The following EBF2 variants were observed in gnomAD, a reference collection of about 807,000 sequenced individuals.
The protein encoded by EBF2 is EBF transcription factor 2, also known as transcription factor COE2.
Under a neutral mutation model 72.8 loss-of-function variants are expected in EBF2, and 21 were observed. The ratio of observed to expected loss-of-function variants is 0.29; its 90% CI spans 0.20 to 0.42. EBF2 has a LOEUF of 0.42. EBF2 is among the 10% of genes least tolerant of loss of function. EBF2 has a pLI of 1.00. For missense variants in EBF2, 637 were observed against 731.2 expected, an observed-to-expected ratio of 0.87 and a Z score of 1.49; for synonymous variants, 299 against 274.2, an observed-to-expected ratio of 1.09 and a Z score of -0.89.
In EBF2 at chr8:26,004,740, A is replaced by G. The variant is rs140006807; in HGVS notation, c.551+28345T>C. ...AGTGGTCCCTTTCATAATGCTGTCTATAAAAACAATTCCGTGACCAAAATT... is the reference window on the plus strand; with the variant it reads ...AGTGGTCCCTTTCATAATGCTGTCTGTAAAAACAATTCCGTGACCAAAATT... On this transcript the variant is annotated intron_variant, in intron 6 of 15. Transcript: ENST00000520164. Among the ~76,000 whole-genome samples, 485 of 151,302 alleles carry G rather than the reference A, an allele frequency of 3.2e-3. 2 individuals carry two copies. The highest frequency in any genetic ancestry group is 3.2e-3 in the Non-Finnish European group (215 of 67,864).
chr8:25,966,636 A>C (rs1804120034), intron 6 of EBF2, among the ~76,000 whole-genome samples: 1 of 152,204 alleles, frequency 6.6e-6, no homozygotes, highest in Non-Finnish European at 1.5e-5. Context: ...TCAAAATCCT[A>C]ATGAGACAAT....
rs570158012 is a variant in EBF2 at position 25,912,900 on chromosome 8, C to T, written c.552-4345G>A. 3.9e-5 allele frequency among the ~76,000 whole-genome samples: 6 copies of T among 152,230 alleles called. No homozygotes were observed. In the South Asian group the frequency reaches 8.3e-4, roughly 21 times the overall value. On this transcript the variant is annotated intron_variant, in intron 6 of 15. Coordinates refer to ENST00000520164, the MANE Select transcript of EBF2 (RefSeq NM_022659.4). ...GTGTAGGTGGCTTCCACATGTCTTC[C>T]GCCATCCCACCCATCTCAAACGAGA...
intron 6 of EBF2, among the ~76,000 whole-genome samples, chr8:26,005,486 A>ATATATAT (rs1491233280): frequency 1.9e-4 from 8 of 42,116 alleles, no homozygotes; most frequent in African/African-American, 8.0e-4. Flanking sequence ...TATTTATAAA[A>ATATATAT]TATATATTAT....
chr8:26,014,790 A>G (rs1263721516), intron 6 of EBF2, among the ~76,000 whole-genome samples: 1 of 152,194 alleles, frequency 6.6e-6, no homozygotes, highest in East Asian at 1.9e-4. Flanking sequence ...CTGATCTTTC[A>G]TGAGCCACAT....
intron 10 of EBF2, among the ~76,000 whole-genome samples, chr8:25,882,438 T>TGTGAAGGC (rs1802619547): frequency 6.6e-6 from 1 of 152,204 alleles, no homozygotes; most frequent in East Asian, 1.9e-4. Flanking sequence ...CTGTACCAGC[T>TGTGAAGGC]TGTGAAGGCA....
At chr8:25,906,461 G>C (rs1202962779) in intron 7 of EBF2, among the ~76,000 whole-genome samples, 2 of 152,110 alleles carry the variant, frequency 1.3e-5, no homozygotes, top group Non-Finnish European at 2.9e-5. Context: ...TTTTATTTCT[G>C]TTTTTCTTCA....
At chr8:26,029,849 A>G (rs962897169) in intron 6 of EBF2, among the ~76,000 whole-genome samples, 1 of 152,196 alleles carries the variant, frequency 6.6e-6, no homozygotes, top group African/African-American at 2.4e-5. Context: ...GGCTGATCCA[A>G]ACCCCTGGAT....
chr8:25,981,833 A>G (rs1003773859), intron 6 of EBF2, among the ~76,000 whole-genome samples: 11 of 152,078 alleles, frequency 7.2e-5, no homozygotes, highest in African/African-American at 2.7e-4. Flanking sequence ...TTCATCCAGC[A>G]AAACAGTATA....
chr8:25,846,976 AAAGAG>A (rs1259272928), intron 15 of EBF2, among the ~76,000 whole-genome samples: 1 of 152,170 alleles, frequency 6.6e-6, no homozygotes, highest in Admixed American at 6.5e-5. Context: ...GGTATAGGGT[AAAGAG>A]AAGAATTTCA....
chr8:25,868,474 CTT>C (rs145311060), intron 10 of EBF2, among the ~76,000 whole-genome samples: 17,479 of 152,064 alleles, frequency 0.11, 1,079 homozygotes, highest in Middle Eastern at 0.17. Flanking sequence ...GATATACACA[CTT>C]TTTGTTGTTG....
intron 15 of EBF2, 90 bp downstream of exon 15, chr8:25,850,504 T>C (rs939358340): frequency 1.5e-6 from 2 of 1,369,264 alleles, no homozygotes; most frequent in Non-Finnish European, 1.9e-6. Flanking sequence ...TGCAGGTAAA[T>C]GGCTGGAGCT....
chr8:25,907,452 A>ATT (rs1554568809), intron 7 of EBF2, among the ~76,000 whole-genome samples: 1 of 132,038 alleles, frequency 7.6e-6, no homozygotes. Flanking sequence ...AAAAAAAAAA[A>ATT]ATTATTCAGA....
intron 6 of EBF2, among the ~76,000 whole-genome samples, chr8:25,914,405 C>G (rs1803177330): frequency 6.6e-6 from 1 of 152,208 alleles, no homozygotes; most frequent in South Asian, 2.1e-4. Flanking sequence ...TGGGACCCAG[C>G]CTTGGCCTGG....
intron 6 of EBF2, among the ~76,000 whole-genome samples, chr8:25,916,025 A>G (rs1307832575): frequency 6.6e-6 from 1 of 152,112 alleles, no homozygotes; most frequent in Non-Finnish European, 1.5e-5. Flanking sequence ...AGTGGCTCAC[A>G]TCTGTAATCC....
At chr8:25,896,100 A>G (rs1802860566) in intron 7 of EBF2, among the ~76,000 whole-genome samples, 1 of 152,232 alleles carries the variant, frequency 6.6e-6, no homozygotes, top group Non-Finnish European at 1.5e-5. Flanking sequence ...AGTCTCATAC[A>G]AAGAGGCTGA....
chr8:25,901,255 C>A (rs914444376), intron 7 of EBF2, among the ~76,000 whole-genome samples: 1 of 151,792 alleles, frequency 6.6e-6, no homozygotes, highest in Non-Finnish European at 1.5e-5. Flanking sequence ...AACCCCGTCT[C>A]GATAAAAAAT....
At chr8:26,043,824 A>G (rs1171952739) in intron 1 of EBF2, among the ~76,000 whole-genome samples, 1 of 152,148 alleles carries the variant, frequency 6.6e-6, no homozygotes, top group African/African-American at 2.4e-5. Flanking sequence ...TCTCTCGCAG[A>G]CAAGGACCTG....
At chr8:25,882,319 A>G (rs989898474) in intron 10 of EBF2, among the ~76,000 whole-genome samples, 2 of 152,164 alleles carry the variant, frequency 1.3e-5, no homozygotes, top group Non-Finnish European at 2.9e-5. Context: ...GACTTTTCCC[A>G]TTTCAGTAAT....
chr8:26,039,455 A>G (rs1013120699), intron 5 of EBF2, among the ~76,000 whole-genome samples: 1 of 152,106 alleles, frequency 6.6e-6, no homozygotes, highest in African/African-American at 2.4e-5. Flanking sequence ...TCTTTCTTCC[A>G]GGTAGTTCCT....
Sources: gnomAD v4.1 joint callset for allele counts (sites outside exome capture counted in the v4.1 genomes callset) on GRCh38, gnomAD v4.1.1 for gene constraint, MANE v1.5 for transcripts, NCBI Gene and HGNC (gene_info 2026-07-23, HGNC 2026-07-21) for gene names.